TMTC2: variants seen among roughly 807,000 people sequenced by gnomAD.
TMTC2 encodes transmembrane O-mannosyltransferase targeting cadherins 2.
Under a neutral mutation model 82.4 loss-of-function variants are expected in TMTC2, and 43 were observed. That is an observed-to-expected ratio of 0.52 (90% CI 0.41 to 0.67). The LOEUF (loss-of-function observed/expected upper bound fraction) is 0.67, where lower values mean the gene tolerates loss of function less well. Ranked by LOEUF, TMTC2 falls within the 30% of genes least tolerant of loss-of-function variation. The pLI is 0.00. For synonymous variants in TMTC2, 408 were observed against 381.9 expected (o/e 1.07, Z -0.80); for missense variants, 919 against 1,012.4 (o/e 0.91, Z 1.25).
intron 1 of TMTC2, among the ~76,000 whole-genome samples, chr12:82,787,716 CT>C (rs1878248991): frequency 6.6e-6 from 1 of 152,038 alleles, no homozygotes; most frequent in African/African-American, 2.4e-5. Context: ...TGAGACCAGC[CT>C]GGCCAGCATG....
chr12:82,764,338 A>AT (rs1876823394), intron 1 of TMTC2, among the ~76,000 whole-genome samples: 4 of 152,124 alleles, frequency 2.6e-5, no homozygotes. Flanking sequence ...GGGTCTCGCT[A>AT]TGTTGGCCAG....
chr12:83,112,296 C>A (rs1302919106), intron 11 of TMTC2, among the ~76,000 whole-genome samples: 1 of 152,108 alleles, frequency 6.6e-6, no homozygotes, highest in Non-Finnish European at 1.5e-5. Context: ...TTGAATAGAC[C>A]TGAAGACTAG....
intron 4 of TMTC2, among the ~76,000 whole-genome samples, chr12:82,932,848 A>G (rs1223330813): frequency 2.0e-5 from 3 of 152,218 alleles, no homozygotes; most frequent in African/African-American, 7.2e-5. Context: ...TTGGACAAGG[A>G]TTCAGAGTGT....
intron 8 of TMTC2, among the ~76,000 whole-genome samples, chr12:83,012,855 A>C (rs1880520200): frequency 6.6e-6 from 1 of 152,118 alleles, no homozygotes; most frequent in African/African-American, 2.4e-5. Context: ...TTGTTTTATT[A>C]GGTATGAATT....
At chr12:82,948,192 C>T (rs966783393) in intron 4 of TMTC2, among the ~76,000 whole-genome samples, 5 of 152,094 alleles carry the variant, frequency 3.3e-5, no homozygotes, top group African/African-American at 1.2e-4. Context: ...ATAGTGAGAC[C>T]TTGTTTCTAT....
chr12:83,109,167 C>T (rs1309783762), intron 11 of TMTC2, among the ~76,000 whole-genome samples: 1 of 152,108 alleles, frequency 6.6e-6, no homozygotes, highest in East Asian at 1.9e-4. Context: ...TTAATTGGCT[C>T]ACAGTTTCAC....
At chr12:82,853,884 C>T (rs1871115174) in intron 1 of TMTC2, among the ~76,000 whole-genome samples, 1 of 150,302 alleles carries the variant, frequency 6.7e-6, no homozygotes, top group African/African-American at 2.4e-5. Context: ...GTTTCATTCT[C>T]TATTGCTTGA....
intron 11 of TMTC2, among the ~76,000 whole-genome samples, chr12:83,078,222 A>G (rs1883353003): frequency 6.6e-6 from 1 of 152,158 alleles, no homozygotes; most frequent in Admixed American, 6.5e-5. Flanking sequence ...AGCCAGGCTG[A>G]TGACAAGACT....
intron 9 of TMTC2, among the ~76,000 whole-genome samples, chr12:83,045,707 TCACACA>T (rs143555229): frequency 4.1e-5 from 5 of 122,706 alleles, no homozygotes; most frequent in African/African-American, 1.3e-4. Context: ...AAGGGCTCCT[TCACACA>T]CACACACACA....
chr12:82,978,534 C>T, intron 7 of TMTC2, among the ~76,000 whole-genome samples: 1 of 151,438 alleles, frequency 6.6e-6, no homozygotes, highest in East Asian at 1.9e-4. Context: ...AGTTTTATTC[C>T]ATTGTGATCA....
intron 1 of TMTC2, among the ~76,000 whole-genome samples, chr12:82,711,735 A>G (rs1157848098): frequency 6.6e-6 from 1 of 152,248 alleles, no homozygotes; most frequent in African/African-American, 2.4e-5. Flanking sequence ...TCAGAAAGGA[A>G]ATGAAATGTC....
At chr12:83,079,125 G>A (rs925514422) in intron 11 of TMTC2, among the ~76,000 whole-genome samples, 2 of 151,928 alleles carry the variant, frequency 1.3e-5, no homozygotes, top group Non-Finnish European at 2.9e-5. Flanking sequence ...GTTCTAGGAT[G>A]GATACATTTA....
chr12:83,121,709 A>G (rs1884953101), intron 11 of TMTC2, among the ~76,000 whole-genome samples: 1 of 152,024 alleles, frequency 6.6e-6, no homozygotes, highest in Non-Finnish European at 1.5e-5. Context: ...GTGGGGCCCT[A>G]GAACTCTTAA....
chr12:83,094,145 G>A (rs1883940557), intron 11 of TMTC2, among the ~76,000 whole-genome samples: 1 of 152,232 alleles, frequency 6.6e-6, no homozygotes, highest in Admixed American at 6.5e-5. Flanking sequence ...CATAGAAGTA[G>A]ATAATGCAGT....
At chr12:82,771,593 GA>G (rs1288670881) in intron 1 of TMTC2, among the ~76,000 whole-genome samples, 2 of 151,910 alleles carry the variant, frequency 1.3e-5, no homozygotes, top group Middle Eastern at 3.2e-3. Context: ...TTATAACCAA[GA>G]ATAAATAATG....
intron 2 of TMTC2, among the ~76,000 whole-genome samples, chr12:82,872,944 C>T (rs747150404): frequency 1.3e-5 from 2 of 152,066 alleles, no homozygotes; most frequent in Non-Finnish European, 2.9e-5. Flanking sequence ...ATAAGAAAGA[C>T]TTAGTATTTC....
At chr12:82,825,044 G>T (rs1467518099) in intron 1 of TMTC2, among the ~76,000 whole-genome samples, 2 of 151,500 alleles carry the variant, frequency 1.3e-5, no homozygotes, top group East Asian at 3.9e-4. Context: ...ATCCGAGATC[G>T]TGCCACGGCA....
rs1425702911 is a variant in TMTC2 at position 82,885,009 on chromosome 12, T to G, written c.655-10809T>G. Among the ~76,000 whole-genome samples the G allele has an allele frequency of 6.6e-5, 10 of 151,770 alleles. No individual in the cohort carries two copies. In the East Asian group the frequency reaches 1.9e-3, roughly 29 times the overall value. ...CCCAGACTCACGCAATCCTCCTTCC[T>G]CAGCCTCTCTTGTAGCTGGGACTAC... is the stretch of plus-strand genomic sequence containing the variant. On this transcript the variant is annotated intron_variant, in intron 2 of 11. Transcript: ENST00000321196.
chr12:82,729,641 C>T (rs1468482394), intron 1 of TMTC2, among the ~76,000 whole-genome samples: 1 of 152,182 alleles, frequency 6.6e-6, no homozygotes, highest in Admixed American at 6.5e-5. Flanking sequence ...GACCAATCAG[C>T]TCTCTGTAAA....
Sources: gnomAD v4.1 joint callset for allele counts (sites outside exome capture counted in the v4.1 genomes callset) on GRCh38, gnomAD v4.1.1 for gene constraint, MANE v1.5 for transcripts, NCBI Gene and HGNC (gene_info 2026-07-23, HGNC 2026-07-21) for gene names.